FAM227B: variants seen among roughly 807,000 people sequenced by gnomAD.
FAM227B encodes the protein protein FAM227B.
Under a neutral mutation model 73.8 loss-of-function variants are expected in FAM227B, and 88 were observed. That is an observed-to-expected ratio of 1.19 (90% confidence interval 1.00 to 1.42). The LOEUF (loss-of-function observed/expected upper bound fraction) is 1.42. Ranked by LOEUF, FAM227B falls within the 40% of genes most tolerant of loss-of-function variation. The pLI is 0.00. For missense variants in FAM227B, 632 were observed against 590.9 expected (o/e 1.07, Z -0.72); for synonymous variants, 210 against 190.5 (o/e 1.10, Z -0.84).
At chr15:49,536,816 A>T (rs142170986) in intron 10 of FAM227B, among the ~76,000 whole-genome samples, 1 of 152,028 alleles carries the variant, frequency 6.6e-6, no homozygotes, top group Non-Finnish European at 1.5e-5. Context: ...CACAATGAGG[A>T]AAAGATAGTT....
intron 10 of FAM227B, among the ~76,000 whole-genome samples, chr15:49,515,860 T>C (rs972655483): frequency 2.0e-5 from 3 of 152,150 alleles, no homozygotes; most frequent in Admixed American, 2.0e-4. Flanking sequence ...AAACTGCTGA[T>C]ATTTGTTAGT....
intron 11 of FAM227B, among the ~76,000 whole-genome samples, chr15:49,476,579 A>G (rs1472540711): frequency 4.8e-5 from 7 of 146,374 alleles, no homozygotes; most frequent in Non-Finnish European, 1.0e-4. Flanking sequence ...TTAATCCATT[A>G]CCAAAGACAT....
chr15:49,496,850 CTAA>C (rs2057657991), intron 11 of FAM227B, among the ~76,000 whole-genome samples: 1 of 151,936 alleles, frequency 6.6e-6, no homozygotes, highest in African/African-American at 2.4e-5. Flanking sequence ...TGTACATATA[CTAA>C]TGTTTTACCC....
At chr15:49,448,873 A>G (rs1460263510) in intron 11 of FAM227B, among the ~76,000 whole-genome samples, 1 of 151,844 alleles carries the variant, frequency 6.6e-6, no homozygotes, top group Non-Finnish European at 1.5e-5. Flanking sequence ...GTCGATTCCA[A>G]TATTATATTA....
intron 11 of FAM227B, among the ~76,000 whole-genome samples, chr15:49,450,476 G>A (rs775202051): frequency 2.0e-5 from 3 of 151,898 alleles, no homozygotes; most frequent in African/African-American, 7.3e-5. Flanking sequence ...TACACCATTA[G>A]AGAGCCATTT....
At chr15:49,489,427 C>T in intron 11 of FAM227B, 1 of 956,370 alleles carries the variant, frequency 1.0e-6, no homozygotes, top group Non-Finnish European at 1.2e-6. Context: ...TTGAACCAAT[C>T]TGGACTTCCT....
At chr15:49,377,407 G>A (rs2046239050) in intron 11 of FAM227B, among the ~76,000 whole-genome samples, 1 of 151,896 alleles carries the variant, frequency 6.6e-6, no homozygotes, top group Admixed American at 6.6e-5. Flanking sequence ...AGATTATATG[G>A]TAGCTCAATT....
chr15:49,348,271 A>AATATTT (rs2041809192), intron 13 of FAM227B, among the ~76,000 whole-genome samples: 1 of 152,134 alleles, frequency 6.6e-6, no homozygotes, highest in Non-Finnish European at 1.5e-5. Context: ...CCCTCCACAA[A>AATATTT]GCTATTCCAA....
chr15:49,540,580 T>C (rs2070927968), intron 10 of FAM227B, among the ~76,000 whole-genome samples: 1 of 152,188 alleles, frequency 6.6e-6, no homozygotes, highest in African/African-American at 2.4e-5. Flanking sequence ...CCACTTCTTA[T>C]AAGGACACCA....
chr15:49,404,743 G>C (rs933941533), intron 11 of FAM227B, among the ~76,000 whole-genome samples: 1 of 151,674 alleles, frequency 6.6e-6, no homozygotes, highest in African/African-American at 2.4e-5. Flanking sequence ...TTCTAATTGG[G>C]GTATTTATCC....
At chr15:49,461,530 GC>G (rs1185273193) in intron 11 of FAM227B, among the ~76,000 whole-genome samples, 1 of 152,100 alleles carries the variant, frequency 6.6e-6, no homozygotes, top group Non-Finnish European at 1.5e-5. Flanking sequence ...CCTACTTACT[GC>G]TAGATGTCTT....
At chr15:49,615,645 G>C (rs752731611) in intron 1 of FAM227B, among the ~76,000 whole-genome samples, 2 of 152,116 alleles carry the variant, frequency 1.3e-5, no homozygotes, top group Non-Finnish European at 2.9e-5. Context: ...TTCCTGTACA[G>C]CCTGTGGAAC....
rs1489231340 is a variant in FAM227B at position 49,367,528 on chromosome 15, A to T, written c.1191T>A (p.Tyr397Ter). The T allele has an allele frequency of 6.2e-7, 1 of 1,607,252 alleles. No individual in the cohort carries two copies. The highest frequency in any genetic ancestry group is 8.5e-7 in the Non-Finnish European group (1 of 1,178,500). ...TACCAGCCAGCTCATGCATCTTAAG[A>T]TAATATAAAATCAATGGACTCTGAC... ...FGGQSPLILYYLKMHELAGIS... is the reference protein window; with the variant it reads ...FGGQSPLILY The change falls in exon 13 of 16, where the codon TAT (tyrosine) becomes TAA (stop). Residue 397 changes from tyrosine to a stop codon, truncating the protein, a stop_gained. Coordinates refer to ENST00000299338, the MANE Select transcript of FAM227B (RefSeq NM_152647.3). LOFTEE classifies it high-confidence loss of function.
At chr15:49,366,566 T>G (rs1227564855) in intron 13 of FAM227B, 22 of 1,596,048 alleles carry the variant, frequency 1.4e-5, no homozygotes, top group Non-Finnish European at 1.8e-5. Flanking sequence ...CATGCAGTAG[T>G]CCTTGGATGT....
intron 3 of FAM227B, among the ~76,000 whole-genome samples, chr15:49,590,430 G>A (rs917095017): frequency 6.6e-6 from 1 of 152,268 alleles, no homozygotes; most frequent in African/African-American, 2.4e-5. Flanking sequence ...TTAAGTTTTG[G>A]CTTCATGTCT....
rs748894215 is a variant in FAM227B at position 49,335,422 on chromosome 15, C to T, written c.1346G>A (p.Arg449Lys). The T allele has an allele frequency of 1.6e-5, 25 of 1,602,602 alleles. 1 individual carries two copies. In the Middle Eastern group the frequency reaches 6.6e-4, roughly 42 times the overall value. Residue 449 changes from arginine to lysine, a missense_variant, in exon 14 of 16, where the codon AGG becomes AAG. By Grantham distance (26) the Arg-to-Lys change is conservative. Coordinates refer to ENST00000299338, the MANE Select transcript of FAM227B (RefSeq NM_152647.3). ...RQFARNQKDF[R>K]ILQAKATKKP... Reference sequence around the variant, plus strand: ...CAATAGTATAGCATCAACTTACATCCTAAAATCCTTTTGGTTCCTTGCAAA... The same window carrying T: ...CAATAGTATAGCATCAACTTACATCTTAAAATCCTTTTGGTTCCTTGCAAA...
At chr15:49,426,597 G>A (rs1597113447) in intron 11 of FAM227B, among the ~76,000 whole-genome samples, 1 of 151,714 alleles carries the variant, frequency 6.6e-6, no homozygotes, top group Admixed American at 6.6e-5. Flanking sequence ...TGAAACTCAG[G>A]TAGTACACAT....
chr15:49,600,672 C>T (rs1256363376), intron 3 of FAM227B, among the ~76,000 whole-genome samples: 1 of 144,210 alleles, frequency 6.9e-6, no homozygotes, highest in Non-Finnish European at 1.5e-5. Context: ...AAAAAAAAAT[C>T]CAGCCAGCCA....
chr15:49,355,732 A>C (rs1229825604), intron 13 of FAM227B, among the ~76,000 whole-genome samples: 7 of 151,204 alleles, frequency 4.6e-5, no homozygotes, highest in East Asian at 3.9e-4. Flanking sequence ...TTCAGGAAAT[A>C]CAGAGAACAC....
Sources: allele counts gnomAD v4.1 joint callset (sites outside exome capture counted in the v4.1 genomes callset), GRCh38; gene constraint gnomAD v4.1.1; transcripts MANE v1.5; gene names NCBI Gene and HGNC (gene_info 2026-07-23, HGNC 2026-07-21).